Variants in SHANK2 observed in about 807,000 individuals in gnomAD.
SHANK2 encodes SH3 and multiple ankyrin repeat domains 2, also known as SH3 and multiple ankyrin repeat domains protein 2.
SHANK2 carries 43 observed loss-of-function variants against 133.7 expected under a neutral mutation model. The ratio of observed to expected loss-of-function variants is 0.32; its 90% CI spans 0.25 to 0.41. The LOEUF (loss-of-function observed/expected upper bound fraction) is 0.41. SHANK2 is among the 10% of genes least tolerant of loss of function. SHANK2 has a pLI of 1.00. For synonymous variants in SHANK2, 1,017 were observed against 952.8 expected (o/e 1.07, Z -1.24); for missense variants, 1,994 against 2,235.8 (o/e 0.89, Z 2.18).
intron 9 of SHANK2, among the ~76,000 whole-genome samples, chr11:71,067,826 C>A (rs896584254): frequency 7.0e-6 from 1 of 142,960 alleles, no homozygotes. Context: ...ATCACCACTA[C>A]CACCACCATC....
At chr11:71,129,550 T>C (rs1484095833) in intron 3 of SHANK2, among the ~76,000 whole-genome samples, 1 of 152,164 alleles carries the variant, frequency 6.6e-6, no homozygotes, top group African/African-American at 2.4e-5. Context: ...GAGGCTGAGA[T>C]AGAAGGGTCC....
At chr11:70,916,662 C>T (rs1362583059) in intron 10 of SHANK2, among the ~76,000 whole-genome samples, 3 of 152,150 alleles carry the variant, frequency 2.0e-5, no homozygotes, top group Non-Finnish European at 2.9e-5. Context: ...GCCCCCTCGC[C>T]CTCCCTTCGC....
chr11:70,707,372 CAAAAAAAAA>C, intron 14 of SHANK2, among the ~76,000 whole-genome samples: 1 of 57,884 alleles, frequency 1.7e-5, no homozygotes, highest in African/African-American at 7.8e-5. Flanking sequence ...AACTCCATCT[CAAAAAAAAA>C]AAAAAAAAAA....
intron 14 of SHANK2, among the ~76,000 whole-genome samples, chr11:70,729,669 T>C (rs1348657136): frequency 6.6e-6 from 1 of 151,302 alleles, no homozygotes; most frequent in Non-Finnish European, 1.5e-5. Context: ...GGACTACAGG[T>C]GCCCGCTACC....
At chr11:70,776,596 C>G (rs555696154) in intron 14 of SHANK2, among the ~76,000 whole-genome samples, 14 of 152,248 alleles carry the variant, frequency 9.2e-5, no homozygotes, top group African/African-American at 3.1e-4. Context: ...AAGGGATGCA[C>G]AACTTGAATT....
chr11:70,616,913 C>T (rs1293826460), intron 17 of SHANK2, among the ~76,000 whole-genome samples: 2 of 152,130 alleles, frequency 1.3e-5, no homozygotes, highest in African/African-American at 4.8e-5. Flanking sequence ...CAGCCAGGGG[C>T]AGAGCCGTGT....
chr11:70,649,155 C>A (rs1555009364), intron 17 of SHANK2, among the ~76,000 whole-genome samples: 1 of 152,194 alleles, frequency 6.6e-6, no homozygotes, highest in African/African-American at 2.4e-5. Flanking sequence ...CCTCCATCTG[C>A]AACCCCAGCC....
At chr11:70,790,802 C>T (rs146286302) in intron 14 of SHANK2, among the ~76,000 whole-genome samples, 4 of 152,336 alleles carry the variant, frequency 2.6e-5, no homozygotes, top group African/African-American at 9.6e-5. Flanking sequence ...CAGGTCCCAG[C>T]ATCTGCAGCA....
rs531991570 is a variant in SHANK2, at chr11:71,137,017, C to A, written c.207+10103G>T. 1.4e-4 allele frequency among the ~76,000 whole-genome samples: 22 copies of A among 152,212 alleles called. 2 individuals carry two copies. Among genetic ancestry groups the A allele is most frequent in the Admixed American group, 1.4e-3 (21 of 15,280 alleles). ...AGCTGGGATTACAGGCATGCGCCAC[C>A]ATGCCCAGCTAATTTTTGTATTTTT... On this transcript the variant is annotated intron_variant, in intron 3 of 25. Coordinates refer to ENST00000601538, the MANE Select transcript of SHANK2 (RefSeq NM_012309.5).
chr11:71,189,434 T>C (rs1045512470), intron 2 of SHANK2, among the ~76,000 whole-genome samples: 14 of 152,238 alleles, frequency 9.2e-5, no homozygotes, highest in Non-Finnish European at 1.5e-5. Flanking sequence ...TCCCACCCTG[T>C]TGTCCAGGCT....
rs947459735 is a variant in SHANK2, at chr11:70,804,428, C to T, written c.1663+2574G>A. Among the ~76,000 whole-genome samples the T allele has an allele frequency of 2.0e-5, 3 of 152,250 alleles. No homozygotes were observed. The highest frequency in any genetic ancestry group is 4.8e-5 in the African/African-American group (2 of 41,480). ...TGCGCGGCCCACTCGAATCTCTTTT[C>T]AGAACAGCAGTCCTTTGCCATCGAT... is the stretch of plus-strand genomic sequence containing the variant. On this transcript the variant is annotated intron_variant, in intron 13 of 25. Coordinates refer to ENST00000601538, the MANE Select transcript of SHANK2 (RefSeq NM_012309.5). The surrounding 1 kb of genome is among the most constrained non-coding windows in gnomAD (Gnocchi z 4.1).
chr11:70,685,854 G>A (rs1233070123), intron 15 of SHANK2, among the ~76,000 whole-genome samples: 1 of 152,118 alleles, frequency 6.6e-6, no homozygotes, highest in African/African-American at 2.4e-5. Flanking sequence ...AATGTACCAA[G>A]TACTGCCTAT....
In SHANK2 at chr11:71,119,026, T is replaced by C. The variant is rs568434832; in HGVS notation, c.214A>G (p.Ile72Val). Reference sequence around the variant, plus strand: ...ACTGTGGCATCCGGGTTAAATCGAATGCATTTCTGCCAGGAAGGACAAAGA... The same window carrying C: ...ACTGTGGCATCCGGGTTAAATCGAACGCATTTCTGCCAGGAAGGACAAAGA... ...VIHDLQQTKC[I>V]RFNPDATVWV... Residue 72 changes from isoleucine (I) to valine (V), a missense_variant, in exon 4 of 26, where the codon ATT becomes GTT. By Grantham distance (29) the Ile-to-Val change is conservative. This residue lies in a region of SHANK2 where 653 missense variants were observed against 563.4 expected (regional missense o/e 1.16). Coordinates refer to ENST00000601538, the MANE Select transcript of SHANK2 (RefSeq NM_012309.5). 3.9e-6 allele frequency: 6 copies of C among 1,551,670 alleles called. No homozygotes were observed. In the South Asian group the frequency reaches 4.8e-5, roughly 12 times the overall value.
At chr11:70,917,695 TC>T (rs1950288501) in intron 10 of SHANK2, among the ~76,000 whole-genome samples, 1 of 152,236 alleles carries the variant, frequency 6.6e-6, no homozygotes, top group South Asian at 2.1e-4. Flanking sequence ...CAAGATCATG[TC>T]CTTTGCAGGG....
Position 70,796,786 on chromosome 11 carries a change from C to G in SHANK2, c.1777+1657G>C, listed in dbSNP as rs184909806. Among the ~76,000 whole-genome samples the G allele has an allele frequency of 5.3e-4, 80 of 152,326 alleles. 1 individual carries two copies. In the East Asian group the frequency reaches 0.014, roughly 26 times the overall value. ...GGATGCCTGAGGTCAGAAGCTCCCCCTGGTGACCAAAAAGGCTAAGACTAG... is the reference window on the plus strand; with the variant it reads ...GGATGCCTGAGGTCAGAAGCTCCCCGTGGTGACCAAAAAGGCTAAGACTAG... On this transcript the variant is annotated intron_variant, in intron 14 of 25. Coordinates refer to ENST00000601538, the MANE Select transcript of SHANK2 (RefSeq NM_012309.5).
chr11:70,500,720 C>T lies in SHANK2; in HGVS notation c.2288-130G>A. ...CCGGCAATGGGGCGGCAGGCAGGGG[C>T]TGTCTGGAACGCTGCGAACGCAGGC... On this transcript the variant is annotated intron_variant, in intron 20 of 25. Coordinates refer to ENST00000601538, the MANE Select transcript of SHANK2 (RefSeq NM_012309.5). This position sits in a 1 kb window ranked among gnomAD's most constrained non-coding sequence, Gnocchi z 4.5. 1 of 1,234,142 alleles carries T rather than the reference C, an allele frequency of 8.1e-7. No individual in the cohort carries two copies. The highest frequency in any genetic ancestry group is 1.2e-6 in the Non-Finnish European group (1 of 857,242). The allele number at this position is 1,234,142 out of a possible 1,614,324, so 76.4% of individuals were successfully genotyped here.
At chr11:71,216,155 A>G (rs782671455) in intron 2 of SHANK2, among the ~76,000 whole-genome samples, 2 of 152,222 alleles carry the variant, frequency 1.3e-5, no homozygotes, top group Non-Finnish European at 2.9e-5. Flanking sequence ...TCGCGTCCAC[A>G]CAAAAGCCTG....
intron 2 of SHANK2, among the ~76,000 whole-genome samples, chr11:71,212,274 G>A (rs1555118984): frequency 6.6e-6 from 1 of 152,142 alleles, no homozygotes. Flanking sequence ...TTACCAGCGT[G>A]GCATGCAGAA....
intron 2 of SHANK2, among the ~76,000 whole-genome samples, chr11:71,200,336 TA>T (rs782716668): frequency 3.3e-5 from 5 of 152,230 alleles, no homozygotes; most frequent in Non-Finnish European, 7.3e-5. Flanking sequence ...ATCACATGGG[TA>T]CACCACACTG....
Sources: gnomAD v4.1 joint callset for allele counts (sites outside exome capture counted in the v4.1 genomes callset) on GRCh38, gnomAD v4.1.1 for gene constraint, gnomAD v4.1.1 regional missense constraint, Gnocchi (gnomAD v3.1) non-coding constraint, MANE v1.5 for transcripts, NCBI Gene and HGNC (gene_info 2026-07-23, HGNC 2026-07-21) for gene names.